Variants in HPSE2 observed in about 807,000 individuals in gnomAD.
HPSE2 encodes heparanase 2 (inactive), also known as inactive heparanase-2.
HPSE2 carries 38 observed loss-of-function variants against 60.5 expected under a neutral mutation model. That is an observed-to-expected ratio of 0.63 (90% CI 0.48 to 0.82). The LOEUF is 0.82. HPSE2 is among the 40% of genes least tolerant of loss of function. HPSE2 has a pLI of 0.00. For synonymous variants in HPSE2, 295 were observed against 293.2 expected (o/e 1.01, Z -0.06); for missense variants, 713 against 740.4 (o/e 0.96, Z 0.43).
chr10:98,873,056 G>A (rs1431274993), intron 3 of HPSE2, among the ~76,000 whole-genome samples: 1 of 152,046 alleles, frequency 6.6e-6, no homozygotes, highest in Non-Finnish European at 1.5e-5. Context: ...AGCCATCACG[G>A]TTACAAGGGC....
At chr10:98,970,207 C>T (rs954190268) in intron 3 of HPSE2, among the ~76,000 whole-genome samples, 4 of 152,156 alleles carry the variant, frequency 2.6e-5, no homozygotes, top group African/African-American at 9.7e-5. Flanking sequence ...AGGTGATCTG[C>T]CTGCCTCGGC....
chr10:98,634,371 G>T lies in HPSE2; in HGVS notation c.1098+7476C>A, dbSNP rs564462990. Among the ~76,000 whole-genome samples the T allele has an allele frequency of 1.1e-4, 16 of 152,230 alleles. No individual in the cohort carries two copies. The East Asian group carries it at 3.1e-3, about 29-fold the overall frequency. Reference sequence around the variant, plus strand: ...TTAATGAATTAATCAAACAAATACTGATTTTTGTGGTGATACTACTGTTCT... The same window carrying T: ...TTAATGAATTAATCAAACAAATACTTATTTTTGTGGTGATACTACTGTTCT... On this transcript the variant is annotated intron_variant, in intron 7 of 11. Coordinates refer to ENST00000370552, the MANE Select transcript of HPSE2 (RefSeq NM_021828.5).
intron 2 of HPSE2, among the ~76,000 whole-genome samples, chr10:99,162,184 T>C (rs1846872014): frequency 6.6e-6 from 1 of 152,216 alleles, no homozygotes; most frequent in Admixed American, 6.5e-5. Flanking sequence ...GTTATAATGG[T>C]AAATTCTGTT....
At chr10:99,113,845 T>A (rs550009457) in intron 3 of HPSE2, among the ~76,000 whole-genome samples, 3 of 152,272 alleles carry the variant, frequency 2.0e-5, no homozygotes, top group South Asian at 4.1e-4. Context: ...TTAGGTTTTT[T>A]TTTTGGCTCA....
At chr10:98,632,841 T>C (rs898275121) in intron 7 of HPSE2, among the ~76,000 whole-genome samples, 3 of 152,252 alleles carry the variant, frequency 2.0e-5, no homozygotes, top group South Asian at 2.1e-4. Context: ...AGAACACTCA[T>C]TGATGTTATC....
At position 98,811,001 on chromosome 10, in the gene HPSE2, G is replaced by A. The variant is rs544937957; in HGVS notation, c.611-66945C>T. ...ACAAACCCTTTAATGGCTTCCTACC[G>A]CTCTTAAGATAAAAAATTACTGTAT... On this transcript the variant is annotated intron_variant, in intron 3 of 11. Coordinates refer to ENST00000370552, the MANE Select transcript of HPSE2 (RefSeq NM_021828.5). Among the ~76,000 whole-genome samples the A allele has an allele frequency of 1.6e-3, 245 of 152,010 alleles. 3 individuals carry two copies. In the Middle Eastern group the frequency reaches 0.02, roughly 13 times the overall value.
chr10:98,756,432 T>C (rs1260965417), intron 3 of HPSE2, among the ~76,000 whole-genome samples: 1 of 151,736 alleles, frequency 6.6e-6, no homozygotes, highest in Non-Finnish European at 1.5e-5. Flanking sequence ...GCTAGACTAA[T>C]AAAGAAAGAA....
intron 2 of HPSE2, among the ~76,000 whole-genome samples, chr10:99,154,095 G>C (rs1412709776): frequency 6.7e-6 from 1 of 149,100 alleles, no homozygotes; most frequent in Non-Finnish European, 1.5e-5. Context: ...AGAAATATGA[G>C]ACTATGTGAA....
intron 3 of HPSE2, among the ~76,000 whole-genome samples, chr10:98,868,398 C>G (rs932215994): frequency 2.2e-4 from 33 of 151,184 alleles, no homozygotes; most frequent in African/African-American, 7.8e-4. Context: ...GTTAATGGGT[C>G]CAAATAAAAA....
intron 3 of HPSE2, among the ~76,000 whole-genome samples, chr10:98,893,519 G>A (rs1380936470): frequency 6.6e-6 from 1 of 152,038 alleles, no homozygotes; most frequent in Non-Finnish European, 1.5e-5. Context: ...AGAAAGTCAT[G>A]GGCTAGGAGA....
chr10:98,580,824 T>A (rs866072085), intron 9 of HPSE2, among the ~76,000 whole-genome samples: 10 of 128,572 alleles, frequency 7.8e-5, no homozygotes, highest in Non-Finnish European at 1.4e-4. Context: ...GTGCTTGGTT[T>A]TATATATATA....
chr10:98,672,726 C>T (rs557091275), intron 6 of HPSE2, among the ~76,000 whole-genome samples: 5 of 152,278 alleles, frequency 3.3e-5, no homozygotes, highest in Admixed American at 3.3e-4. Context: ...AATTTGTCAT[C>T]AAGACCTCAA....
chr10:98,987,615 T>G (rs1018285009), intron 3 of HPSE2, among the ~76,000 whole-genome samples: 5 of 152,126 alleles, frequency 3.3e-5, no homozygotes, highest in African/African-American at 1.2e-4. Context: ...ACCACTCCTA[T>G]TCAACATAAT....
In HPSE2 at chr10:98,935,951, G is replaced by T. The variant is rs879323421; in HGVS notation, c.611-191895C>A. Among the ~76,000 whole-genome samples, 9 of 144,940 alleles carry T rather than the reference G, an allele frequency of 6.2e-5. 1 individual carries two copies. Among genetic ancestry groups the T allele is most frequent in the South Asian group, 2.1e-4 (1 of 4,768 alleles). On this transcript the variant is annotated intron_variant, in intron 3 of 11. Coordinates refer to ENST00000370552, the MANE Select transcript of HPSE2 (RefSeq NM_021828.5). ...TCTGTCCCAAGGAGATGTGAGTTCT[G>T]TCTGTAAGCCCCTGACTGGAGCTGG...
intron 5 of HPSE2, among the ~76,000 whole-genome samples, chr10:98,716,380 T>C (rs1170028912): frequency 2.6e-5 from 4 of 151,964 alleles, no homozygotes; most frequent in African/African-American, 9.7e-5. Context: ...GGCACATGTA[T>C]ACGTATGTAA....
chr10:98,641,935 T>G lies in HPSE2; in HGVS notation c.1010A>C (p.Tyr337Ser). Residue 337 changes from tyrosine (Y) to serine (S), a missense_variant, in exon 7 of 12, where the codon TAC becomes TCC. Coordinates refer to ENST00000370552, the MANE Select transcript of HPSE2 (RefSeq NM_021828.5). Reference sequence around the variant, plus strand: ...CACCTTGACCACCCGGCCATCAATGTAGCAACTGGAATAAAAATAAAATAA... The same window carrying G: ...CACCTTGACCACCCGGCCATCAATGGAGCAACTGGAATAAAAATAAAATAA... ...TVDAVTWQHC[Y>S]IDGRVVKVMD... 1 of 1,611,732 alleles carries G rather than the reference T, an allele frequency of 6.2e-7. No individual in the cohort carries two copies. Among genetic ancestry groups the G allele is most frequent in the Non-Finnish European group, 8.5e-7 (1 of 1,177,976 alleles).
intron 9 of HPSE2, among the ~76,000 whole-genome samples, chr10:98,568,249 C>T (rs1300210141): frequency 6.6e-6 from 1 of 152,156 alleles, no homozygotes; most frequent in Non-Finnish European, 1.5e-5. Context: ...TGGGTGAAGT[C>T]CTTAGTTTAA....
chr10:99,137,591 A>G (rs1178708945), intron 3 of HPSE2, among the ~76,000 whole-genome samples: 2 of 152,176 alleles, frequency 1.3e-5, no homozygotes, highest in Non-Finnish European at 2.9e-5. Context: ...ATAACACCAC[A>G]CATCTACAAC....
In HPSE2 at chr10:98,641,872, G is replaced by C. The variant is rs372269653; in HGVS notation, c.1073C>G (p.Ser358Cys). ...TTTCTGAATTTTCCTAATCTGGTCA[G>C]AGAGTGTGTCTAACAGGCGAGTTTT... The part of the protein sequence containing the change: ...FLKTRLLDTL[S>C]DQIRKIQKVV... The change falls in exon 7 of 12, where the codon TCT becomes TGT. Residue 358 changes from serine to cysteine, a missense_variant. Physicochemically the swap from Ser to Cys is moderately radical, Grantham distance 112. Coordinates refer to ENST00000370552, the MANE Select transcript of HPSE2 (RefSeq NM_021828.5). 10 of 1,613,646 alleles carry C rather than the reference G, an allele frequency of 6.2e-6. No individual in the cohort carries two copies. The highest frequency in any genetic ancestry group is 1.7e-5 in the Admixed American group (1 of 59,990).
Sources: allele counts gnomAD v4.1 joint callset (sites outside exome capture counted in the v4.1 genomes callset), GRCh38; gene constraint gnomAD v4.1.1; transcripts MANE v1.5; gene names NCBI Gene and HGNC (gene_info 2026-07-23, HGNC 2026-07-21).